AGMO: variants seen among roughly 807,000 people sequenced by gnomAD.
AGMO encodes the protein alkylglycerol monooxygenase, also known as glyceryl-ether monooxygenase.
Under a neutral mutation model 60.2 loss-of-function variants are expected in AGMO, and 75 were observed. The ratio of observed to expected loss-of-function variants is 1.25; its 90% confidence interval spans 1.03 to 1.51. The LOEUF (loss-of-function observed/expected upper bound fraction) is 1.51. AGMO is among the 40% of genes most tolerant of loss of function. The pLI is 0.00. For missense variants in AGMO, 763 were observed against 525.5 expected, an observed-to-expected ratio of 1.45 and a Z score of -4.42; for synonymous variants, 261 against 177.1, an observed-to-expected ratio of 1.47 and a Z score of -3.76.
intron 12 of AGMO, among the ~76,000 whole-genome samples, chr7:15,333,410 T>G (rs982990348): frequency 6.6e-6 from 1 of 152,022 alleles, no homozygotes; most frequent in Admixed American, 6.6e-5. Context: ...AAATGTGACT[T>G]TTAACAAAAC....
chr7:15,454,249 C>G (rs1583569088), intron 3 of AGMO, among the ~76,000 whole-genome samples: 2 of 151,906 alleles, frequency 1.3e-5, no homozygotes, highest in African/African-American at 4.8e-5. Flanking sequence ...AGTGTGGGGA[C>G]TATAGTTAAC....
intron 3 of AGMO, among the ~76,000 whole-genome samples, chr7:15,515,119 A>T (rs1436923660): frequency 6.6e-6 from 1 of 152,226 alleles, no homozygotes; most frequent in Non-Finnish European, 1.5e-5. Flanking sequence ...TTTACAGAGG[A>T]TGAAAAGGAA....
chr7:15,365,637 T>A lies in AGMO; in HGVS notation c.1158-18A>T. 1 of 1,529,576 alleles carries A rather than the reference T, an allele frequency of 6.5e-7. No individual in the cohort carries two copies. The highest frequency in any genetic ancestry group is 9.1e-7 in the Non-Finnish European group (1 of 1,104,498). The allele number at this position is 1,529,576 out of a possible 1,614,324, so 94.8% of individuals were successfully genotyped here. A position where few individuals can be genotyped will look rare whatever the true frequency, so the allele number is the denominator to read the frequency against. ...CCTTGGGTCTGAAATAAAATGTCAT[T>A]AACATGCATTAGCTTTAAATATGCT... On this transcript the variant is annotated intron_variant, in intron 11 of 12. Coordinates refer to ENST00000342526, the MANE Select transcript of AGMO (RefSeq NM_001004320.2).
At chr7:15,128,756 A>T in the AGMO span, among the ~76,000 whole-genome samples, 1 of 152,132 alleles carries the variant, frequency 6.6e-6, no homozygotes, top group South Asian at 2.1e-4. Context: ...TGTAATCTAA[A>T]ATCTTATGAA....
intron 12 of AGMO, among the ~76,000 whole-genome samples, chr7:15,340,379 A>G (rs1424205212): frequency 3.3e-5 from 5 of 152,176 alleles, no homozygotes; most frequent in African/African-American, 9.7e-5. Flanking sequence ...CAACCTAATT[A>G]CTTTTAAGAC....
intron 3 of AGMO, among the ~76,000 whole-genome samples, chr7:15,489,686 C>T (rs921182291): frequency 6.6e-6 from 1 of 152,156 alleles, no homozygotes; most frequent in Non-Finnish European, 1.5e-5. Context: ...ACAAAGTCCC[C>T]AGTTGAAATG....
intron 3 of AGMO, among the ~76,000 whole-genome samples, chr7:15,489,723 C>T (rs1783020293): frequency 6.6e-6 from 1 of 152,180 alleles, no homozygotes; most frequent in Non-Finnish European, 1.5e-5. Flanking sequence ...CTACCAGGCA[C>T]AGTAGCACAG....
the AGMO span, among the ~76,000 whole-genome samples, chr7:15,137,459 T>C: frequency 6.6e-6 from 1 of 152,232 alleles, no homozygotes; most frequent in Non-Finnish European, 1.5e-5. Context: ...TTCAGTACTG[T>C]AGAGAATTTT....
At chr7:15,395,457 TA>T (rs1417153768) in intron 5 of AGMO, among the ~76,000 whole-genome samples, 1 of 151,226 alleles carries the variant, frequency 6.6e-6, no homozygotes, top group Non-Finnish European at 1.5e-5. Flanking sequence ...AAATTTATAA[TA>T]AACAGGGTAT....
intron 12 of AGMO, among the ~76,000 whole-genome samples, chr7:15,358,861 T>A (rs559412655): frequency 1.3e-5 from 2 of 152,278 alleles, no homozygotes; most frequent in African/African-American, 4.8e-5. Flanking sequence ...TTGGGGATGA[T>A]GACCTAAATG....
chr7:15,212,956 T>C lies in AGMO; in HGVS notation c.1264-11597A>G, dbSNP rs533854480. ...AAACGTCAGTAGTTTCAATTGATTA[T>C]ATTGTGTTATTATTGTCAGCATTTA... On this transcript the variant is annotated intron_variant, in intron 12 of 12. Transcript: ENST00000342526. 3.4e-4 allele frequency among the ~76,000 whole-genome samples: 51 copies of C among 152,098 alleles called. 2 individuals carry two copies. The South Asian group carries it at 1.0e-2, about 30-fold the overall frequency.
At chr7:15,547,910 G>A (rs954838001) in intron 2 of AGMO, among the ~76,000 whole-genome samples, 2 of 152,184 alleles carry the variant, frequency 1.3e-5, no homozygotes, top group African/African-American at 4.8e-5. Context: ...AGACTTAAAT[G>A]TCCCTGTCTG....
chr7:15,335,075 C>G (rs1240949196), intron 12 of AGMO, among the ~76,000 whole-genome samples: 1 of 152,072 alleles, frequency 6.6e-6, no homozygotes, highest in Admixed American at 6.6e-5. Flanking sequence ...GCTTGGGAAG[C>G]CGTATTCATC....
Position 15,431,106 on chromosome 7 carries a change from C to T in AGMO, c.412G>A (p.Val138Ile), listed in dbSNP as rs767300780. The T allele has an allele frequency of 1.9e-6, 3 of 1,607,894 alleles. No homozygotes were observed. The highest frequency in any genetic ancestry group is 3.3e-4 in the Middle Eastern group (2 of 6,044). Residue 138 changes from valine (V) to isoleucine (I), a missense_variant and splice_region_variant, in exon 4 of 13, where the codon GTT becomes ATT. Physicochemically the swap from Val to Ile is conservative, Grantham distance 29. Coordinates refer to ENST00000342526, the MANE Select transcript of AGMO (RefSeq NM_001004320.2). ...TGGTGTCCGGCCCACATAATATTAA[C>T]TTCTGCAAAACACATAATTTGCAAT... ...YYWFHRMAHE[V>I]NIMWAGHQTH...
chr7:15,364,208 C>G (rs1156413114), intron 12 of AGMO, among the ~76,000 whole-genome samples: 2 of 151,878 alleles, frequency 1.3e-5, no homozygotes, highest in African/African-American at 2.4e-5. Context: ...AAAGAATCTT[C>G]TGCTTCTTCC....
intron 12 of AGMO, among the ~76,000 whole-genome samples, chr7:15,328,938 T>C (rs1192459604): frequency 1.3e-5 from 2 of 152,152 alleles, no homozygotes; most frequent in African/African-American, 4.8e-5. Context: ...ATCCTTGCCC[T>C]CTACCTGAAC....
chr7:15,403,317 T>C (rs1165160227), intron 5 of AGMO, among the ~76,000 whole-genome samples: 1 of 151,960 alleles, frequency 6.6e-6, no homozygotes, highest in African/African-American at 2.4e-5. Flanking sequence ...ATTTAGATTA[T>C]TCTTTCTTGC....
intron 12 of AGMO, among the ~76,000 whole-genome samples, chr7:15,319,750 T>A (rs573205012): frequency 6.6e-6 from 1 of 152,090 alleles, no homozygotes; most frequent in Non-Finnish European, 1.5e-5. Context: ...GGCAATGGAA[T>A]AGACTCACTT....
chr7:15,301,269 T>C (rs1784552627), intron 12 of AGMO, among the ~76,000 whole-genome samples: 1 of 151,990 alleles, frequency 6.6e-6, no homozygotes, highest in African/African-American at 2.4e-5. Context: ...TGAAACTCCC[T>C]CTCTACTAAA....
Sources: allele counts gnomAD v4.1 joint callset (sites outside exome capture counted in the v4.1 genomes callset), GRCh38; gene constraint gnomAD v4.1.1; transcripts MANE v1.5; gene names NCBI Gene and HGNC (gene_info 2026-07-23, HGNC 2026-07-21).